SLC15A4: variants seen among roughly 807,000 people sequenced by gnomAD.
SLC15A4 encodes hPHT1.
Under a neutral mutation model 46.1 loss-of-function variants are expected in SLC15A4, and 26 were observed. The ratio of observed to expected loss-of-function variants is 0.56; its 90% CI spans 0.41 to 0.78. SLC15A4 has a LOEUF of 0.78. Among genes scored for constraint, SLC15A4 ranks in the 30% least tolerant of loss-of-function variants. SLC15A4 has a pLI of 0.00. For synonymous variants in SLC15A4, 370 were observed against 333.4 expected, an observed-to-expected ratio of 1.11 and a Z score of -1.20; for missense variants, 751 against 755.7, an observed-to-expected ratio of 0.99 and a Z score of 0.07.
At chr12:128,805,098 T>C (rs1197685499) in intron 5 of SLC15A4, among the ~76,000 whole-genome samples, 8 of 152,062 alleles carry the variant, frequency 5.3e-5, no homozygotes, top group African/African-American at 1.9e-4. Context: ...ATAAATAAAA[T>C]ACATGAGAAG....
chr12:128,794,060 G>T lies in SLC15A4; in HGVS notation c.*136C>A. The T allele has an allele frequency of 1.1e-6, 1 of 906,386 alleles. No individual in the cohort carries two copies. Among genetic ancestry groups the T allele is most frequent in the South Asian group, 2.0e-5 (1 of 49,398 alleles). The allele number at this position is 906,386 out of a possible 1,614,324, so 56.1% of individuals were successfully genotyped here. On this transcript the variant is annotated 3_prime_UTR_variant, in exon 8 of 8. Transcript: ENST00000266771. ...AGCTCCTTTGGATAGAGGGAAAGAA[G>T]AAATCAATCCAGGCAACATGCAAGT...
chr12:128,806,178 A>AAAAAG (rs1955587031), intron 5 of SLC15A4, among the ~76,000 whole-genome samples: 1 of 151,150 alleles, frequency 6.6e-6, no homozygotes, highest in East Asian at 1.9e-4. Context: ...AAAAAAAAAA[A>AAAAAG]AAAAGAAAAA....
intron 5 of SLC15A4, among the ~76,000 whole-genome samples, chr12:128,802,980 C>G (rs996534389): frequency 6.6e-6 from 1 of 152,150 alleles, no homozygotes; most frequent in Non-Finnish European, 1.5e-5. Context: ...AATGACCCTG[C>G]CTGTGAACAA....
chr12:128,822,250 G>A (rs1031144230), intron 1 of SLC15A4, among the ~76,000 whole-genome samples: 6 of 152,222 alleles, frequency 3.9e-5, no homozygotes, highest in African/African-American at 4.8e-5. Flanking sequence ...TACAGTTGCA[G>A]GGGAGCAGCT....
intron 5 of SLC15A4, among the ~76,000 whole-genome samples, chr12:128,805,915 C>T (rs887277048): frequency 6.6e-6 from 1 of 152,052 alleles, no homozygotes; most frequent in Non-Finnish European, 1.5e-5. Context: ...GGTGTGGTGG[C>T]TCATGCTTAT....
intron 5 of SLC15A4, 47 bp from the exon 6 acceptor site, chr12:128,801,056 A>T: frequency 6.6e-7 from 1 of 1,514,962 alleles, no homozygotes; most frequent in Non-Finnish European, 8.9e-7. Flanking sequence ...ATTAACATTT[A>T]CAGTTAATCT....
chr12:128,823,923 A>C lies in SLC15A4; in HGVS notation c.21T>G (p.Gly7=). The change falls in exon 1 of 8, where the codon GGT becomes GGG. Residue 7 remains glycine, a synonymous_variant. Coordinates refer to ENST00000266771, the MANE Select transcript of SLC15A4 (RefSeq NM_145648.4). MEGSGG[G]AGERAPLLGA... ...CCAGCAGCGGCGCCCGCTCGCCCGC[A>C]CCGCCCCCAGAGCCCTCCATGCGAC... 1 of 729,502 alleles carries C rather than the reference A, an allele frequency of 1.4e-6. No homozygotes were observed. The highest frequency in any genetic ancestry group is 1.7e-6 in the Non-Finnish European group (1 of 599,120). The allele number at this position is 729,502 out of a possible 1,614,324, so 45.2% of individuals were successfully genotyped here.
intron 7 of SLC15A4, among the ~76,000 whole-genome samples, chr12:128,797,149 C>G (rs984195659): frequency 5.3e-5 from 8 of 152,078 alleles, no homozygotes; most frequent in Admixed American, 1.3e-4. Flanking sequence ...CGCACCCGCC[C>G]CCCAGGCTCA....
chr12:128,799,432 G>T lies in SLC15A4; in HGVS notation c.1415-15C>A, dbSNP rs760201202. On this transcript the variant is annotated splice_polypyrimidine_tract_variant and intron_variant, in intron 6 of 7. Transcript: ENST00000266771. ...AAATTCCAGGCCTGAGGAAAGAAAA[G>T]GGAGGGTCGTTTTTGTGAAAGGGGC... The T allele has an allele frequency of 6.2e-7, 1 of 1,613,512 alleles. No homozygotes were observed. The highest frequency in any genetic ancestry group is 8.5e-7 in the Non-Finnish European group (1 of 1,179,726).
chr12:128,798,970 G>A (rs778395256), intron 7 of SLC15A4, among the ~76,000 whole-genome samples: 1 of 152,210 alleles, frequency 6.6e-6, no homozygotes. Context: ...TGTCAAGGAC[G>A]TCCCCGTAAG....
intron 1 of SLC15A4, among the ~76,000 whole-genome samples, chr12:128,821,157 T>C (rs1287854341): frequency 6.6e-6 from 1 of 152,228 alleles, no homozygotes; most frequent in East Asian, 1.9e-4. Flanking sequence ...CTTTCCATTA[T>C]AGATGACTGA....
At chr12:128,817,386 C>T (rs190778602) in intron 1 of SLC15A4, among the ~76,000 whole-genome samples, 31 of 152,180 alleles carry the variant, frequency 2.0e-4, no homozygotes, top group Admixed American at 1.2e-3. Flanking sequence ...ACTAGAAGTG[C>T]GAAAAAATAA....
At chr12:128,794,904 G>A (rs569093192) in intron 7 of SLC15A4, among the ~76,000 whole-genome samples, 12 of 152,264 alleles carry the variant, frequency 7.9e-5, no homozygotes, top group Non-Finnish European at 1.5e-4. Context: ...AGTGTTAGCC[G>A]GTCTGGTGTT....
chr12:128,794,495 A>C, intron 7 of SLC15A4, 139 bp from the exon 8 acceptor site: 1 of 821,502 alleles, frequency 1.2e-6, no homozygotes, highest in Non-Finnish European at 1.8e-6. Flanking sequence ...CTGTAGTCCA[A>C]AATGCACAAG....
At chr12:128,800,323 C>T (rs571081572) in intron 6 of SLC15A4, among the ~76,000 whole-genome samples, 2 of 152,182 alleles carry the variant, frequency 1.3e-5, no homozygotes, top group Non-Finnish European at 2.9e-5. Flanking sequence ...TGACTACTAC[C>T]CACACATCCA....
intron 2 of SLC15A4, 118 bp downstream of exon 2, chr12:128,814,657 T>G: frequency 9.4e-7 from 1 of 1,067,108 alleles, no homozygotes; most frequent in Non-Finnish European, 1.4e-6. Context: ...AGAAGACATG[T>G]AAACCACTCA....
intron 7 of SLC15A4, among the ~76,000 whole-genome samples, chr12:128,798,644 C>T (rs1179294089): frequency 6.6e-6 from 1 of 152,086 alleles, no homozygotes; most frequent in African/African-American, 2.4e-5. Context: ...AAAGAAGAAA[C>T]CTTCGCTTGC....
At chr12:128,812,421 G>A (rs760837512) in intron 2 of SLC15A4, among the ~76,000 whole-genome samples, 9 of 152,072 alleles carry the variant, frequency 5.9e-5, no homozygotes, top group Admixed American at 5.2e-4. Flanking sequence ...CCGGGTTCAC[G>A]CCATTCTCCT....
intron 7 of SLC15A4, among the ~76,000 whole-genome samples, chr12:128,799,009 G>T (rs1391247845): frequency 6.6e-6 from 1 of 152,160 alleles, no homozygotes; most frequent in East Asian, 1.9e-4. Flanking sequence ...CTGCTCGCTG[G>T]GCTGTGGCCA....
Sources: gnomAD v4.1 joint callset for allele counts (sites outside exome capture counted in the v4.1 genomes callset) on GRCh38, gnomAD v4.1.1 for gene constraint, MANE v1.5 for transcripts, NCBI Gene and HGNC (gene_info 2026-07-23, HGNC 2026-07-21) for gene names.